The following GRM7 variants were observed in gnomAD, a reference collection of about 807,000 sequenced individuals.
The protein encoded by GRM7 is metabotropic glutamate receptor 7.
In GRM7, 35 loss-of-function variants were observed where a neutral mutation model predicts 84.5. The observed-to-expected ratio is 0.41, with a 90% CI of 0.32 to 0.55. The LOEUF is 0.55. Ranked by LOEUF, GRM7 falls within the 20% of genes least tolerant of loss-of-function variation. The pLI is 0.19. For synonymous variants in GRM7, 487 were observed against 455.1 expected (o/e 1.07, Z -0.89); for missense variants, 1,003 against 1,194.6 (o/e 0.84, Z 2.36).
chr3:6,912,450 A>C (rs1461435299), intron 1 of GRM7, among the ~76,000 whole-genome samples: 1 of 152,172 alleles, frequency 6.6e-6, no homozygotes, highest in Non-Finnish European at 1.5e-5. Context: ...AAATCTTAGC[A>C]GTTGGAGGGA....
At chr3:6,869,710 G>T (rs1695055428) in intron 1 of GRM7, among the ~76,000 whole-genome samples, 2 of 152,014 alleles carry the variant, frequency 1.3e-5, no homozygotes, top group South Asian at 4.1e-4. Context: ...ACATTTTAGT[G>T]ACGTTACTCA....
At chr3:7,617,909 T>A (rs1196042230) in intron 8 of GRM7, among the ~76,000 whole-genome samples, 1 of 152,104 alleles carries the variant, frequency 6.6e-6, no homozygotes, top group Non-Finnish European at 1.5e-5. Flanking sequence ...AGGAAGGGGC[T>A]GCAAATGTTG....
intron 1 of GRM7, among the ~76,000 whole-genome samples, chr3:7,047,352 C>T (rs1422718831): frequency 6.6e-6 from 1 of 151,852 alleles, no homozygotes; most frequent in Non-Finnish European, 1.5e-5. Context: ...TTGTTGTTAC[C>T]CAAGTGCAGT....
chr3:7,192,572 T>C (rs1695743938), intron 2 of GRM7, among the ~76,000 whole-genome samples: 2 of 152,070 alleles, frequency 1.3e-5, no homozygotes, highest in Non-Finnish European at 2.9e-5. Flanking sequence ...TCTTCCAGCT[T>C]CTGAGGAAGA....
At chr3:7,421,020 G>A (rs1425368389) in intron 5 of GRM7, among the ~76,000 whole-genome samples, 1 of 152,066 alleles carries the variant, frequency 6.6e-6, no homozygotes, top group Non-Finnish European at 1.5e-5. Flanking sequence ...CCCATAAAAG[G>A]TAATTATATT....
intron 9 of GRM7, chr3:7,681,909 T>C (rs1700382843): frequency 6.6e-6 from 1 of 152,248 alleles, no homozygotes; most frequent in South Asian, 2.1e-4. Context: ...TGTCAACGTC[T>C]TTCCCTTCCT....
chr3:7,099,214 TATA>T (rs377073662), intron 1 of GRM7, among the ~76,000 whole-genome samples: 180 of 149,256 alleles, frequency 1.2e-3, no homozygotes, highest in South Asian at 9.5e-3. Flanking sequence ...TTATATTGCA[TATA>T]ATAATACATG....
chr3:7,659,553 G>T (rs1448134541), intron 8 of GRM7, among the ~76,000 whole-genome samples: 1 of 152,156 alleles, frequency 6.6e-6, no homozygotes, highest in Non-Finnish European at 1.5e-5. Context: ...AATACATCCT[G>T]TGTGAAAAGA....
intron 4 of GRM7, among the ~76,000 whole-genome samples, chr3:7,320,719 T>G (rs191288841): frequency 6.6e-6 from 1 of 151,232 alleles, no homozygotes; most frequent in Non-Finnish European, 1.5e-5. Context: ...TGTGTGTGTG[T>G]GCAACTTCTT....
At chr3:7,495,491 C>T (rs894094284) in intron 7 of GRM7, among the ~76,000 whole-genome samples, 4 of 152,086 alleles carry the variant, frequency 2.6e-5, no homozygotes, top group Admixed American at 6.6e-5. Flanking sequence ...GGCTCAGACC[C>T]GTGGTGACAA....
At chr3:7,619,446 C>T (rs1263419787) in intron 8 of GRM7, among the ~76,000 whole-genome samples, 1 of 151,806 alleles carries the variant, frequency 6.6e-6, no homozygotes, top group East Asian at 1.9e-4. Flanking sequence ...AAGGATCTGC[C>T]TCATCTCGGG....
At chr3:7,143,798 T>C (rs1408163727) in intron 1 of GRM7, among the ~76,000 whole-genome samples, 1 of 152,226 alleles carries the variant, frequency 6.6e-6, no homozygotes. Flanking sequence ...ATGAAGCTTT[T>C]ACATTTCCAC....
At chr3:7,571,173 A>T (rs1477767764) in intron 7 of GRM7, among the ~76,000 whole-genome samples, 1 of 152,130 alleles carries the variant, frequency 6.6e-6, no homozygotes, top group African/African-American at 2.4e-5. Flanking sequence ...TGCCCTGGAG[A>T]CATTTTCCCC....
At chr3:7,132,955 T>G (rs982532202) in intron 1 of GRM7, among the ~76,000 whole-genome samples, 1 of 152,184 alleles carries the variant, frequency 6.6e-6, no homozygotes, top group Non-Finnish European at 1.5e-5. Context: ...ATAATCGATT[T>G]TTTTTTTACT....
chr3:6,936,049 A>C (rs1697681445), intron 1 of GRM7, among the ~76,000 whole-genome samples: 1 of 152,044 alleles, frequency 6.6e-6, no homozygotes, highest in South Asian at 2.1e-4. Context: ...GAAGTCTCCC[A>C]GAGGCCTCTC....
intron 2 of GRM7, among the ~76,000 whole-genome samples, chr3:7,223,261 T>G (rs1696870047): frequency 6.6e-6 from 1 of 152,144 alleles, no homozygotes; most frequent in Admixed American, 6.5e-5. Flanking sequence ...TTTGTCTTAT[T>G]ATACATCCTA....
At chr3:7,329,192 A>G (rs1314709665) in intron 4 of GRM7, among the ~76,000 whole-genome samples, 1 of 152,086 alleles carries the variant, frequency 6.6e-6, no homozygotes, top group African/African-American at 2.4e-5. Flanking sequence ...TCCGATGACA[A>G]ATTTTCTCCT....
intron 8 of GRM7, among the ~76,000 whole-genome samples, chr3:7,643,030 T>A (rs1698433450): frequency 6.6e-6 from 1 of 152,148 alleles, no homozygotes; most frequent in South Asian, 2.1e-4. Flanking sequence ...CCTGAGTCCT[T>A]AAGACGGGGC....
At chr3:7,160,653 CT>C (rs1177781803) in intron 2 of GRM7, among the ~76,000 whole-genome samples, 1 of 152,156 alleles carries the variant, frequency 6.6e-6, no homozygotes, top group East Asian at 1.9e-4. Context: ...TTGTCACTAG[CT>C]CTTCTTTTTC....
Sources: allele counts gnomAD v4.1 joint callset (sites outside exome capture counted in the v4.1 genomes callset), GRCh38; gene constraint gnomAD v4.1.1; transcripts MANE v1.5; gene names NCBI Gene and HGNC (gene_info 2026-07-23, HGNC 2026-07-21).